GRIK3: variants seen among roughly 807,000 people sequenced by gnomAD.
GRIK3 encodes the protein glutamate ionotropic receptor kainate type subunit 3.
In GRIK3, 29 loss-of-function variants were observed where a neutral mutation model predicts 102.5. The ratio of observed to expected loss-of-function variants is 0.28; its 90% CI spans 0.21 to 0.39. GRIK3 has a LOEUF of 0.39. GRIK3 is among the 10% of genes least tolerant of loss of function. The pLI, the probability that GRIK3 is intolerant of heterozygous loss-of-function variation, is 1.00. For missense variants in GRIK3, 908 were observed against 1,252.4 expected, an observed-to-expected ratio of 0.73 and a Z score of 4.15; for synonymous variants, 511 against 504.9, an observed-to-expected ratio of 1.01 and a Z score of -0.16.
At chr1:36,843,124 G>T (rs1348451750) in intron 9 of GRIK3, among the ~76,000 whole-genome samples, 1 of 152,180 alleles carries the variant, frequency 6.6e-6, no homozygotes, top group Non-Finnish European at 1.5e-5. Flanking sequence ...AAGAATAACT[G>T]GGAGAAGAGG....
At chr1:36,816,985 C>T (rs1642638999) in intron 13 of GRIK3, 75 bp downstream of exon 13, 1 of 1,029,548 alleles carries the variant, frequency 9.7e-7, no homozygotes, top group Non-Finnish European at 1.5e-6. Context: ...CAGAGACCCC[C>T]TTTCCTCTTC....
At chr1:37,030,020 C>A (rs1445247941) in intron 1 of GRIK3, among the ~76,000 whole-genome samples, 1 of 152,158 alleles carries the variant, frequency 6.6e-6, no homozygotes, top group Non-Finnish European at 1.5e-5. Context: ...GACTGTTTAG[C>A]GAAGTGCGAG....
At chr1:36,875,566 C>T (rs554675573) in intron 3 of GRIK3, among the ~76,000 whole-genome samples, 1 of 152,186 alleles carries the variant, frequency 6.6e-6, no homozygotes, top group African/African-American at 2.4e-5. Context: ...GCTCTCTCGC[C>T]CCTCTGCAAT....
At chr1:37,031,241 C>A (rs1341721779) in intron 1 of GRIK3, among the ~76,000 whole-genome samples, 11 of 152,160 alleles carry the variant, frequency 7.2e-5, no homozygotes, top group Non-Finnish European at 2.9e-5. Context: ...AATCAATGAT[C>A]ATTTTTTCTC....
chr1:36,931,824 C>T (rs1254877993), intron 1 of GRIK3, among the ~76,000 whole-genome samples: 1 of 152,162 alleles, frequency 6.6e-6, no homozygotes, highest in Non-Finnish European at 1.5e-5. Context: ...CTGTCTGCTC[C>T]CCAGCTGCCT....
intron 1 of GRIK3, among the ~76,000 whole-genome samples, chr1:36,989,136 C>T (rs929792391): frequency 2.6e-5 from 4 of 152,202 alleles, no homozygotes; most frequent in African/African-American, 9.7e-5. Flanking sequence ...CTCACTCCCC[C>T]TTCACATTCC....
At chr1:36,804,178 A>C (rs1642473255) in intron 15 of GRIK3, among the ~76,000 whole-genome samples, 1 of 152,212 alleles carries the variant, frequency 6.6e-6, no homozygotes, top group Admixed American at 6.5e-5. Flanking sequence ...TTTTACGGAT[A>C]TGTAAGTTGC....
At chr1:36,854,606 C>T (rs933684298) in intron 7 of GRIK3, among the ~76,000 whole-genome samples, 1 of 152,196 alleles carries the variant, frequency 6.6e-6, no homozygotes, top group East Asian at 1.9e-4. Flanking sequence ...ACAGCCATGC[C>T]CCCCGTGTTT....
At chr1:36,893,600 G>T (rs1423968401) in intron 1 of GRIK3, among the ~76,000 whole-genome samples, 1 of 152,108 alleles carries the variant, frequency 6.6e-6, no homozygotes, top group Non-Finnish European at 1.5e-5. Flanking sequence ...GGGTGGAGGG[G>T]GAAATGTATA....
chr1:37,024,518 G>A (rs983304892), intron 1 of GRIK3, among the ~76,000 whole-genome samples: 8 of 150,242 alleles, frequency 5.3e-5, no homozygotes, highest in East Asian at 1.9e-4. Context: ...AGGCTGAAGC[G>A]GGCAGATCAC....
At chr1:36,906,688 T>C (rs573334016) in intron 1 of GRIK3, among the ~76,000 whole-genome samples, 1 of 152,318 alleles carries the variant, frequency 6.6e-6, no homozygotes, top group Admixed American at 6.5e-5. Flanking sequence ...TCTGCCACTG[T>C]AGCACGCTGG....
At chr1:36,992,475 AGGCT>A (rs1290074932) in intron 1 of GRIK3, among the ~76,000 whole-genome samples, 1 of 152,186 alleles carries the variant, frequency 6.6e-6, no homozygotes, top group Admixed American at 6.5e-5. Context: ...TGAATGACAG[AGGCT>A]GGATGGGGTG....
intron 1 of GRIK3, among the ~76,000 whole-genome samples, chr1:36,915,320 G>A (rs970189081): frequency 6.6e-6 from 1 of 152,142 alleles, no homozygotes; most frequent in Non-Finnish European, 1.5e-5. Context: ...AGTTCCTTGG[G>A]CCTGCAGATC....
Position 36,819,940 on chromosome 1 carries a change from G to A in GRIK3, c.1755-86C>T, listed in dbSNP as rs909306617. The A allele has an allele frequency of 3.2e-5, 23 of 725,640 alleles. No homozygotes were observed. The highest frequency in any genetic ancestry group is 4.0e-5 in the Non-Finnish European group (16 of 398,134). The allele number at this position is 725,640 out of a possible 1,614,324, so 45.0% of individuals were successfully genotyped here. A position where few individuals can be genotyped will look rare whatever the true frequency, so the allele number is the denominator to read the frequency against. ...GCAGTGGTTTAGCAAACACAGCTGT[G>A]CCAGCCGCCTCAGCGTCAATATCCT... On this transcript the variant is annotated intron_variant, in intron 11 of 15. Transcript: ENST00000373091. The surrounding 1 kb of genome is among the most constrained non-coding windows in gnomAD (Gnocchi z 4.1).
chr1:36,988,108 T>C (rs145647859), intron 1 of GRIK3, among the ~76,000 whole-genome samples: 14 of 152,170 alleles, frequency 9.2e-5, no homozygotes, highest in Admixed American at 2.6e-4. Context: ...CTGGTCAACA[T>C]AGTGAAACCC....
At chr1:36,970,170 T>C (rs1033817763) in intron 1 of GRIK3, among the ~76,000 whole-genome samples, 3 of 152,220 alleles carry the variant, frequency 2.0e-5, no homozygotes, top group Admixed American at 1.3e-4. Context: ...GGGAAAATTT[T>C]ATCAACCAAC....
chr1:36,922,496 C>T (rs1570800760), intron 1 of GRIK3, among the ~76,000 whole-genome samples: 1 of 152,202 alleles, frequency 6.6e-6, no homozygotes, highest in African/African-American at 2.4e-5. Flanking sequence ...GGGGGCTTTA[C>T]TGGCTGCCAC....
At position 36,801,371 on chromosome 1, in the gene GRIK3, C is replaced by T. The variant is rs77782940; in HGVS notation, c.*480G>A. 6.5e-6 allele frequency: 1 copy of T among 154,948 alleles called. No homozygotes were observed. Among genetic ancestry groups the T allele is most frequent in the African/African-American group, 2.4e-5 (1 of 41,606 alleles). The allele number at this position is 154,948 out of a possible 1,614,324, so 9.6% of individuals were successfully genotyped here. ...CTGCCCAGGCATATGGGATGGGTAT[C>T]CCTCACCATGAGCTCCCATTGGCAG... On this transcript the variant is annotated 3_prime_UTR_variant, in exon 16 of 16. Transcript: ENST00000373091.
intron 1 of GRIK3, among the ~76,000 whole-genome samples, chr1:36,971,215 T>C (rs2124357420): frequency 6.6e-6 from 1 of 152,306 alleles, no homozygotes; most frequent in South Asian, 2.1e-4. Context: ...GTGTCTAAAA[T>C]GGCAAAGCAG....
Sources: allele counts gnomAD v4.1 joint callset (sites outside exome capture counted in the v4.1 genomes callset), GRCh38; gene constraint gnomAD v4.1.1; non-coding constraint Gnocchi (gnomAD v3.1); transcripts MANE v1.5; gene names NCBI Gene and HGNC (gene_info 2026-07-23, HGNC 2026-07-21).